The following GEMIN4 variants were observed in gnomAD, a reference collection of about 807,000 sequenced individuals.
GEMIN4 encodes the protein gem nuclear organelle associated protein 4, also known as gem-associated protein 4.
Under a neutral mutation model 76.8 loss-of-function variants are expected in GEMIN4, and 59 were observed. The ratio of observed to expected loss-of-function variants is 0.77; its 90% CI spans 0.62 to 0.95. The LOEUF is 0.95. Ranked by LOEUF, GEMIN4 falls within the 40% of genes least tolerant of loss-of-function variation. GEMIN4 has a pLI of 0.00. For missense variants in GEMIN4, 1,311 were observed against 1,318.9 expected (o/e 0.99, Z 0.09); for synonymous variants, 562 against 559.7 (o/e 1.00, Z -0.06).
Position 747,515 on chromosome 17 carries a change from G to T in GEMIN4, c.528C>A (p.Asp176Glu). The change falls in exon 2 of 2, where the codon GAC becomes GAA. Residue 176 changes from aspartate to glutamate, a missense_variant. Around this residue, in one of 2 missense-constraint regions of GEMIN4, gnomAD observed 1,208 missense variants for 1,166.9 expected, o/e 1.04. Coordinates refer to ENST00000319004, the MANE Select transcript of GEMIN4 (RefSeq NM_015721.3). Reference sequence around the variant, plus strand: ...TTGCACTAAACTGGGAGAGCAGGGGGTCCTGCGGGTGACCCTTGTGCTTCA... The same window carrying T: ...TTGCACTAAACTGGGAGAGCAGGGGTTCCTGCGGGTGACCCTTGTGCTTCA... ...EVMKHKGHPQ[D>E]PLLSQFSAMA... 1.2e-6 allele frequency: 2 copies of T among 1,613,802 alleles called. No homozygotes were observed. Among genetic ancestry groups the T allele is most frequent in the South Asian group, 1.1e-5 (1 of 91,076 alleles).
rs776041167 is a variant in GEMIN4, at chr17:745,106, G to A, written c.2937C>T (p.Tyr979=). The A allele has an allele frequency of 5.6e-6, 9 of 1,612,234 alleles. No individual in the cohort carries two copies. In the South Asian group the frequency reaches 6.6e-5, roughly 12 times the overall value. ...GCAGAGCATGGCAGAACACCTGGGT[G>A]TAAACAAACAGGGCTTCCTGGGTCA... ...QDLTQEALFV[Y]TQVFCHALHI... Residue 979 remains tyrosine (Y), a synonymous_variant, in exon 2 of 2, where the codon TAC becomes TAT. Transcript: ENST00000319004. This position sits in a 1 kb window ranked among gnomAD's most constrained non-coding sequence, Gnocchi z 4.6.
rs761785821 is a variant in GEMIN4 at position 746,152 on chromosome 17, G to A, written c.1891C>T (p.Leu631=). 3 of 1,613,940 alleles carry A rather than the reference G, an allele frequency of 1.9e-6. No individual in the cohort carries two copies. Among genetic ancestry groups the A allele is most frequent in the Non-Finnish European group, 2.5e-6 (3 of 1,179,902 alleles). Reference sequence around the variant, plus strand: ...CCTTGGGGTTTCACGGGACTCATCAGGCAGTTCAGGAGCTCTAAAAATTGC... The same window carrying A: ...CCTTGGGGTTTCACGGGACTCATCAAGCAGTTCAGGAGCTCTAAAAATTGC... ...EKQFLELLNC[L]MSPVKPQGIP... The change falls in exon 2 of 2, where the codon CTG becomes TTG. Residue 631 remains leucine (L), a synonymous_variant. Coordinates refer to ENST00000319004, the MANE Select transcript of GEMIN4 (RefSeq NM_015721.3). The surrounding 1 kb of genome is among the most constrained non-coding windows in gnomAD (Gnocchi z 4.3).
rs190911090 is a variant in GEMIN4 at position 746,867 on chromosome 17, C to G, written c.1176G>C (p.Thr392=). The G allele has an allele frequency of 6.2e-7, 1 of 1,613,584 alleles. No homozygotes were observed. The highest frequency in any genetic ancestry group is 8.5e-7 in the Non-Finnish European group (1 of 1,179,600). The change falls in exon 2 of 2, where the codon ACG becomes ACC. Residue 392 remains threonine, a synonymous_variant. Transcript: ENST00000319004. The surrounding 1 kb of genome is among the most constrained non-coding windows in gnomAD (Gnocchi z 4.3). ...CVRDFLRKTS[T]VLKNRALEDI... is the part of the protein sequence containing the mutation. ...CCTCCAAGGCCCTGTTCTTCAGCAC[C>G]GTGCTCGTTTTCCTCAGGAAGTCCC...
In GEMIN4 at chr17:746,982, G is replaced by T. The variant is rs1348002354; in HGVS notation, c.1061C>A (p.Ser354Tyr). The T allele has an allele frequency of 6.2e-7, 1 of 1,613,208 alleles. No homozygotes were observed. The highest frequency in any genetic ancestry group is 1.3e-5 in the African/African-American group (1 of 74,932). The change falls in exon 2 of 2, where the codon TCC (serine) becomes TAC (tyrosine). Residue 354 changes from serine to tyrosine, a missense_variant. Transcript: ENST00000319004. This position sits in a 1 kb window ranked among gnomAD's most constrained non-coding sequence, Gnocchi z 4.3. ...GTAGAGCGTCGCGTTCTGGCTGAAG[G>T]AAGTCAGACTGTCGCACAGCCGGTA... ...DSYRLCDSLTSFSQNATLYLN... is the reference protein window; with the variant it reads ...DSYRLCDSLTYFSQNATLYLN...
Position 744,774 on chromosome 17 carries a change from T to C in GEMIN4, c.*92A>G, listed in dbSNP as rs937732467. 1.0e-5 allele frequency: 14 copies of C among 1,390,076 alleles called. No individual in the cohort carries two copies. The highest frequency in any genetic ancestry group is 5.0e-5 in the Admixed American group (2 of 39,794). The allele number at this position is 1,390,076 out of a possible 1,614,324, so 86.1% of individuals were successfully genotyped here. A position where few individuals can be genotyped will look rare whatever the true frequency, so the allele number is the denominator to read the frequency against. On this transcript the variant is annotated 3_prime_UTR_variant, in exon 2 of 2. Coordinates refer to ENST00000319004, the MANE Select transcript of GEMIN4 (RefSeq NM_015721.3). ...GGGTCTGACCCCTACAGACCTGCCATGTTGAAGCCCAGCTTTTTCGCTCCC... is the reference window on the plus strand; with the variant it reads ...GGGTCTGACCCCTACAGACCTGCCACGTTGAAGCCCAGCTTTTTCGCTCCC...
rs372326801 is a variant in GEMIN4 at position 746,870 on chromosome 17, G to T, written c.1173C>A (p.Ser391Arg). 5.0e-6 allele frequency: 8 copies of T among 1,613,314 alleles called. No homozygotes were observed. Among genetic ancestry groups the T allele is most frequent in the Admixed American group, 3.3e-5 (2 of 59,998 alleles). ...CCAAGGCCCTGTTCTTCAGCACCGT[G>T]CTCGTTTTCCTCAGGAAGTCCCTGA... ...ECVRDFLRKT[S>R]TVLKNRALED... Residue 391 changes from serine (S) to arginine (R), a missense_variant, in exon 2 of 2, where the codon AGC (serine) becomes AGA (arginine). Physicochemically the swap from Ser to Arg is moderately radical, Grantham distance 110. Around this residue, in one of 2 missense-constraint regions of GEMIN4, gnomAD observed 1,208 missense variants for 1,166.9 expected, o/e 1.04. Transcript: ENST00000319004. This position sits in a 1 kb window ranked among gnomAD's most constrained non-coding sequence, Gnocchi z 4.3.
Position 745,702 on chromosome 17 carries a change from G to A in GEMIN4, c.2341C>T (p.His781Tyr). The A allele has an allele frequency of 6.2e-7, 1 of 1,600,290 alleles. No homozygotes were observed. The highest frequency in any genetic ancestry group is 1.7e-5 in the Admixed American group (1 of 57,490). Residue 781 changes from histidine to tyrosine, a missense_variant, in exon 2 of 2, where the codon CAC becomes TAC. His to Tyr is a moderately conservative substitution (Grantham distance 83). Transcript: ENST00000319004. This position sits in a 1 kb window ranked among gnomAD's most constrained non-coding sequence, Gnocchi z 4.6. ...GLRLKSFFEG[H>Y]FKCEVPATLF... The stretch of plus-strand genomic sequence containing the variant: ...GTGGCTGGCACTTCACACTTGAAGT[G>A]CCCCTCGAAGAAGCTCTTCAGCCTC...
In GEMIN4 at chr17:747,862, G is replaced by A. The variant is rs768137353; in HGVS notation, c.181C>T (p.Gln61Ter). ...GCTTTCTTCTTCCAGGCAAAGGGCT[G>A]GGAGTGTGCTGCAGCCGAGGAGATC... ...REISSAAAHSQPFAWKKKALI... is the reference protein window; with the variant it reads ...REISSAAAHS Residue 61 changes from glutamine to a stop codon, truncating the protein, a stop_gained, in exon 2 of 2, where the codon CAG (glutamine) becomes TAG (stop). Coordinates refer to ENST00000319004, the MANE Select transcript of GEMIN4 (RefSeq NM_015721.3). LOFTEE classifies it high-confidence loss of function. The A allele has an allele frequency of 3.1e-6, 5 of 1,613,918 alleles. No individual in the cohort carries two copies. The highest frequency in any genetic ancestry group is 4.2e-6 in the Non-Finnish European group (5 of 1,179,878).
Position 747,952 on chromosome 17 carries a change from G to C in GEMIN4, c.91C>G (p.Leu31Val), listed in dbSNP as rs1253586014. Residue 31 changes from leucine to valine, a missense_variant, in exon 2 of 2, where the codon CTG (leucine) becomes GTG (valine). Leu to Val is a conservative substitution (Grantham distance 32). Transcript: ENST00000319004. ...LAEQLFHPKA[L>V]AELTKSDWER... is the part of the protein sequence containing the mutation. ...CAGTCAGACTTTGTTAATTCTGCCA[G>C]TGCCTTAGGGTGGAACAGCTGCTCG... The C allele has an allele frequency of 2.5e-6, 4 of 1,613,354 alleles. No homozygotes were observed. The highest frequency in any genetic ancestry group is 1.3e-5 in the African/African-American group (1 of 75,034).
chr17:748,433 A>T (rs552509575), intron 1 of GEMIN4: 103 of 187,446 alleles, frequency 5.5e-4, no homozygotes, highest in African/African-American at 2.2e-3. Flanking sequence ...AGAGGGGATC[A>T]CCGGAACCAA....
At position 745,277 on chromosome 17, in the gene GEMIN4, G is replaced by A. The variant is rs1295431376; in HGVS notation, c.2766C>T (p.Leu922=). The change falls in exon 2 of 2, where the codon CTC becomes CTT. Residue 922 remains leucine (L), a synonymous_variant. Transcript: ENST00000319004. This position sits in a 1 kb window ranked among gnomAD's most constrained non-coding sequence, Gnocchi z 4.6. The part of the protein sequence containing the change: ...SVLFLRTFQF[L]CSHSCRDWLP... ...GCCAATCACGACAGCTATGGCTGCA[G>A]AGAAACTGGAAAGTCCTCAGGAAGA... 1.2e-6 allele frequency: 2 copies of A among 1,611,926 alleles called. No individual in the cohort carries two copies. The highest frequency in any genetic ancestry group is 1.7e-6 in the Non-Finnish European group (2 of 1,179,484).
chr17:752,701 C>T (rs1314471780), upstream of GEMIN4: 65 of 918,798 alleles, frequency 7.1e-5, no homozygotes, highest in Non-Finnish European at 8.4e-5. Flanking sequence ...GCTGGTCCTC[C>T]CCAGAAAATG....
intron 1 of GEMIN4, chr17:748,327 C>T: frequency 2.6e-6 from 1 of 380,228 alleles, no homozygotes. Flanking sequence ...TCAGCTTTGG[C>T]CATCAAGGTA....
Position 745,888 on chromosome 17 carries a change from G to A in GEMIN4, c.2155C>T (p.Arg719Trp), listed in dbSNP as rs372184984. 12 of 1,612,782 alleles carry A rather than the reference G, an allele frequency of 7.4e-6. No individual in the cohort carries two copies. The highest frequency in any genetic ancestry group is 1.6e-4 in the Middle Eastern group (1 of 6,062). Residue 719 changes from arginine to tryptophan, a missense_variant, in exon 2 of 2, where the codon CGG becomes TGG. This residue lies in a region of GEMIN4 where 1,208 missense variants were observed against 1,166.9 expected (regional missense o/e 1.04). Transcript: ENST00000319004. This position sits in a 1 kb window ranked among gnomAD's most constrained non-coding sequence, Gnocchi z 4.6. The part of the protein sequence containing the change: ...SKYWQLPKEK[R>W]CLSLDRKDLA... ...TCCTTCCTATCCAAAGAGAGGCACC[G>A]CTTCTCCTTGGGAAGCTGCCAGTAT...
chr17:746,526 C>T lies in GEMIN4; in HGVS notation c.1517G>A (p.Trp506Ter), dbSNP rs117831868. ...NKVLAGILRS[W>*]GRKGLSEKLL... is the part of the protein sequence containing the mutation. ...CTTTTCAGAGAGGCCCTTTCGCCCC[C>T]AGGAACGCAGGATACCTGCAAGGAC... The change falls in exon 2 of 2, where the codon TGG (tryptophan) becomes TAG (stop). Residue 506 changes from tryptophan to a stop codon, truncating the protein, a stop_gained. Transcript: ENST00000319004. LOFTEE classifies it high-confidence loss of function. The surrounding 1 kb of genome is among the most constrained non-coding windows in gnomAD (Gnocchi z 4.3). The T allele has an allele frequency of 1.7e-5, 28 of 1,613,946 alleles. No individual in the cohort carries two copies. The highest frequency in any genetic ancestry group is 2.1e-5 in the Non-Finnish European group (25 of 1,179,906).
rs763952079 is a variant in GEMIN4, at chr17:746,032, G to C, written c.2011C>G (p.Leu671Val). The change falls in exon 2 of 2, where the codon CTG becomes GTG. Residue 671 changes from leucine to valine, a missense_variant. Physicochemically the swap from Leu to Val is conservative, Grantham distance 32. Transcript: ENST00000319004. This position sits in a 1 kb window ranked among gnomAD's most constrained non-coding sequence, Gnocchi z 4.3. ...RLDVEEVDLS[L>V]RIFIQTLEAN... The stretch of plus-strand genomic sequence containing the variant: ...TCTAGAGTCTGGATGAAGATCCTCA[G>C]ACTGAGGTCTACCTCTTCAACATCT... The C allele has an allele frequency of 4.3e-6, 7 of 1,613,872 alleles. No homozygotes were observed. Among genetic ancestry groups the C allele is most frequent in the Non-Finnish European group, 5.9e-6 (7 of 1,179,884 alleles).
rs775924166 is a variant in GEMIN4 at position 747,873 on chromosome 17, G to A, written c.170C>T (p.Ala57Val). The change falls in exon 2 of 2, where the codon GCA (alanine) becomes GTA (valine). Residue 57 changes from alanine to valine, a missense_variant. Coordinates refer to ENST00000319004, the MANE Select transcript of GEMIN4 (RefSeq NM_015721.3). ...VEALREISSA[A>V]AHSQPFAWKK... ...CCAGGCAAAGGGCTGGGAGTGTGCT[G>A]CAGCCGAGGAGATCTCCCTTAAGGC... The A allele has an allele frequency of 6.2e-7, 1 of 1,613,906 alleles. No homozygotes were observed. Among genetic ancestry groups the A allele is most frequent in the Non-Finnish European group, 8.5e-7 (1 of 1,179,874 alleles).
intron 1 of GEMIN4, chr17:749,907 G>A: frequency 1.0e-6 from 1 of 987,820 alleles, no homozygotes; most frequent in South Asian, 4.6e-5. Flanking sequence ...CATGGCCCTA[G>A]CTCTGTGGGA....
rs1260269862 is a variant in GEMIN4, at chr17:747,939, G to C, written c.104C>G (p.Thr35Arg). The change falls in exon 2 of 2, where the codon ACA becomes AGA. Residue 35 changes from threonine (T) to arginine (R), a missense_variant. By Grantham distance (71) the Thr-to-Arg change is moderately conservative. Coordinates refer to ENST00000319004, the MANE Select transcript of GEMIN4 (RefSeq NM_015721.3). ...LFHPKALAEL[T>R]KSDWERVGRP... Reference sequence around the variant, plus strand: ...TCCAACACGTTCCCAGTCAGACTTTGTTAATTCTGCCAGTGCCTTAGGGTG... The same window carrying C: ...TCCAACACGTTCCCAGTCAGACTTTCTTAATTCTGCCAGTGCCTTAGGGTG... 2 of 1,613,574 alleles carry C rather than the reference G, an allele frequency of 1.2e-6. No individual in the cohort carries two copies. The highest frequency in any genetic ancestry group is 1.7e-6 in the Non-Finnish European group (2 of 1,179,792).
Sources: gnomAD v4.1 joint callset for allele counts on GRCh38, gnomAD v4.1.1 for gene constraint, gnomAD v4.1.1 regional missense constraint, Gnocchi (gnomAD v3.1) non-coding constraint, MANE v1.5 for transcripts, NCBI Gene and HGNC (gene_info 2026-07-23, HGNC 2026-07-21) for gene names.